Variants in SLC22A12 observed in about 807,000 individuals in gnomAD.
SLC22A12 encodes the protein solute carrier family 22 member 12, also known as organic anion transporter 4-like protein.
SLC22A12 carries 56 observed loss-of-function variants against 52.7 expected under a neutral mutation model. The ratio of observed to expected loss-of-function variants is 1.06; its 90% CI spans 0.86 to 1.33. The LOEUF is 1.33. SLC22A12 is among the 40% of genes most tolerant of loss of function. The pLI, the probability that SLC22A12 is intolerant of heterozygous loss-of-function variation, is 0.00. For synonymous variants in SLC22A12, 337 were observed against 324.6 expected (o/e 1.04, Z -0.41); for missense variants, 683 against 741.5 (o/e 0.92, Z 0.92).
At position 64,600,761 on chromosome 11, in the gene SLC22A12, T is replaced by C. The variant is rs1258840181; in HGVS notation, c.1421T>C (p.Met474Thr). Residue 474 changes from methionine (M) to threonine (T), a missense_variant, in exon 9 of 10, where the codon ATG becomes ACG. Physicochemically the swap from Met to Thr is moderately conservative, Grantham distance 81. Coordinates refer to ENST00000377574, the MANE Select transcript of SLC22A12 (RefSeq NM_144585.4). ...LRMTAVGLGQMAARGGAILGP... is the reference protein window; with the variant it reads ...LRMTAVGLGQTAARGGAILGP... ...ATGACGGCAGTGGGCTTGGGCCAGA[T>C]GGCAGCCCGTGGAGGAGCCATCCTG... 3 of 1,605,226 alleles carry C rather than the reference T, an allele frequency of 1.9e-6. No individual in the cohort carries two copies. The highest frequency in any genetic ancestry group is 1.7e-6 in the Non-Finnish European group (2 of 1,179,912).
At chr11:64,593,906 G>A (rs925061190) in intron 4 of SLC22A12, 103 bp downstream of exon 4, 5 of 1,493,282 alleles carry the variant, frequency 3.3e-6, no homozygotes, top group Non-Finnish European at 4.5e-6. Context: ...GAGTGCTAGA[G>A]GCCAGGGGTG....
At chr11:64,596,139 G>GTTT in intron 4 of SLC22A12, among the ~76,000 whole-genome samples, 1 of 151,910 alleles carries the variant, frequency 6.6e-6, no homozygotes, top group Non-Finnish European at 1.5e-5. Flanking sequence ...TGGATGGATG[G>GTTT]GATGGATGGA....
chr11:64,598,995 C>G, intron 6 of SLC22A12, 72 bp downstream of exon 6: 1 of 1,567,118 alleles, frequency 6.4e-7, no homozygotes, highest in Non-Finnish European at 8.6e-7. Context: ...CACACGGCCC[C>G]GGCCTCTGCT....
At chr11:64,593,586 G>T in intron 3 of SLC22A12, 27 bp downstream of exon 3, 1 of 1,614,064 alleles carries the variant, frequency 6.2e-7, no homozygotes, top group South Asian at 1.1e-5. Flanking sequence ...GCGCCATGCA[G>T]GGGGGCTCCA....
At position 64,600,831 on chromosome 11, in the gene SLC22A12, C is replaced by G. The variant is rs139224371; in HGVS notation, c.1491C>G (p.Pro497=). Residue 497 remains proline, a synonymous_variant, in exon 9 of 10, where the codon CCC becomes CCG. Coordinates refer to ENST00000377574, the MANE Select transcript of SLC22A12 (RefSeq NM_144585.4). ...TGGGTGTCCATGGCCCCTGGCTGCC[C>G]TTGCTGGTGTATGGGACGGTGCCAG... ...RLLGVHGPWL[P]LLVYGTVPVL... The G allele has an allele frequency of 6.2e-7, 1 of 1,607,768 alleles. No individual in the cohort carries two copies. Among genetic ancestry groups the G allele is most frequent in the Non-Finnish European group, 8.5e-7 (1 of 1,179,972 alleles).
chr11:64,600,205 G>T (rs1591403573), intron 7 of SLC22A12, among the ~76,000 whole-genome samples, 162 bp from the exon 8 acceptor site: 1 of 152,232 alleles, frequency 6.6e-6, no homozygotes, highest in East Asian at 1.9e-4. Context: ...CAGATTGTGG[G>T]TGTGGCCATG....
chr11:64,595,801 T>C (rs1450181823), intron 4 of SLC22A12, among the ~76,000 whole-genome samples: 2 of 124,678 alleles, frequency 1.6e-5, no homozygotes, highest in African/African-American at 6.3e-5. Context: ...GATGGATAGA[T>C]GATTGGAATA....
chr11:64,599,759 T>C lies in SLC22A12; in HGVS notation c.1154T>C (p.Ile385Thr), dbSNP rs149438001. 89 of 1,612,446 alleles carry C rather than the reference T, an allele frequency of 5.5e-5. No individual in the cohort carries two copies. Among genetic ancestry groups the C allele is most frequent in the Middle Eastern group, 1.7e-4 (1 of 6,058 alleles). The change falls in exon 7 of 10, where the codon ATT (isoleucine) becomes ACT (threonine). Residue 385 changes from isoleucine to threonine, a missense_variant. Coordinates refer to ENST00000377574, the MANE Select transcript of SLC22A12 (RefSeq NM_144585.4). ...AACATCTTCCTGCTCCAAATGTTCA[T>C]TGGTGTCGTGGACATCCCAGCCAAG... ...GSNIFLLQMF[I>T]GVVDIPAKMG...
intron 6 of SLC22A12, 44 bp from the exon 7 acceptor site, chr11:64,599,632 C>CT (rs1303001450): frequency 2.1e-5 from 5 of 236,442 alleles, no homozygotes; most frequent in South Asian, 1.7e-4. Context: ...ACCACCCCCC[C>CT]CCACCCCCCA....
intron 4 of SLC22A12, among the ~76,000 whole-genome samples, chr11:64,594,727 GGACA>G (rs1164963540): frequency 2.0e-4 from 29 of 143,592 alleles, no homozygotes; most frequent in African/African-American, 7.0e-4. Context: ...ATGGATGGAC[GGACA>G]GACGGACGGA....
chr11:64,593,649 G>A lies in SLC22A12; in HGVS notation c.676G>A (p.Ala226Thr), dbSNP rs1276722500. The A allele has an allele frequency of 1.9e-6, 3 of 1,614,186 alleles. No homozygotes were observed. The highest frequency in any genetic ancestry group is 1.7e-5 in the Admixed American group (1 of 60,038). Reference sequence around the variant, plus strand: ...TCTCCTTGCAGTGATGGAGTGGACGGCGGCACGGGCCCGACCCTTGGTGAT... The same window carrying A: ...TCTCCTTGCAGTGATGGAGTGGACGACGGCACGGGCCCGACCCTTGGTGAT... The part of the protein sequence containing the change: ...NTGTLLMEWT[A>T]ARARPLVMTL... Residue 226 changes from alanine (A) to threonine (T), a missense_variant, in exon 4 of 10, where the codon GCG becomes ACG. By Grantham distance (58) the Ala-to-Thr change is moderately conservative (BLOSUM62 0). Coordinates refer to ENST00000377574, the MANE Select transcript of SLC22A12 (RefSeq NM_144585.4).
chr11:64,602,308 G>A lies in SLC22A12; in HGVS notation c.*757G>A, dbSNP rs1372425490. 2.6e-5 allele frequency: 4 copies of A among 153,898 alleles called. No individual in the cohort carries two copies. Among genetic ancestry groups the A allele is most frequent in the African/African-American group, 7.2e-5 (3 of 41,472 alleles). The allele number at this position is 153,898 out of a possible 1,614,324, so 9.5% of individuals were successfully genotyped here. A position where few individuals can be genotyped will look rare whatever the true frequency, so the allele number is the denominator to read the frequency against. Reference sequence around the variant, plus strand: ...CCCCACACAGCGCTGGGCCAGAGAGGCATTGGTGCGAGGGATTGAATAAAG... The same window carrying A: ...CCCCACACAGCGCTGGGCCAGAGAGACATTGGTGCGAGGGATTGAATAAAG... On this transcript the variant is annotated 3_prime_UTR_variant, in exon 10 of 10. Coordinates refer to ENST00000377574, the MANE Select transcript of SLC22A12 (RefSeq NM_144585.4).
chr11:64,591,240 A>C lies in SLC22A12; in HGVS notation c.-317A>C. On this transcript the variant is annotated 5_prime_UTR_variant, in exon 1 of 10. Transcript: ENST00000377574. ...ATTCCAGTCTAAAATTAAAGTCTTC[A>C]GTCTCCACATTCCCTACTTTCCAAA... 1 of 402,502 alleles carries C rather than the reference A, an allele frequency of 2.5e-6. No individual in the cohort carries two copies. Among genetic ancestry groups the C allele is most frequent in the Admixed American group, 4.0e-5 (1 of 24,726 alleles). 24.9% of individuals were successfully genotyped at this position (402,502 alleles called of 1,614,324 possible). A position where few individuals can be genotyped will look rare whatever the true frequency, so the allele number is the denominator to read the frequency against.
chr11:64,600,532 C>A (rs2039421409), intron 8 of SLC22A12, 57 bp downstream of exon 8: 1 of 1,467,832 alleles, frequency 6.8e-7, no homozygotes, highest in Admixed American at 2.0e-5. Context: ...TGCGGGGCAC[C>A]CCCAGGCAGG....
At chr11:64,591,991 C>T (rs775446604) in intron 1 of SLC22A12, 33 bp downstream of exon 1, 2 of 1,603,872 alleles carry the variant, frequency 1.2e-6, no homozygotes, top group South Asian at 2.2e-5. Flanking sequence ...TCGAGTCCCA[C>T]CACCTTGGAG....
intron 9 of SLC22A12, 146 bp from the exon 10 acceptor site, chr11:64,601,342 C>A: frequency 1.2e-6 from 1 of 805,672 alleles, no homozygotes; most frequent in Non-Finnish European, 2.1e-6. Flanking sequence ...CACACACACC[C>A]CCAACCCATC....
In SLC22A12 at chr11:64,592,824, TC is replaced by T. The variant is rs756570697; in HGVS notation, c.450del (p.Ile151SerfsTer26). The part of the protein sequence containing the change: ...DSHALKPMAQ[S>X]IYLAGILVGA... ...TCATGCTCTGAAGCCCATGGCCCAG[TC>T]CATCTACCTGGCTGGGATTCTGGTG... On this transcript the variant is annotated frameshift_variant, in exon 2 of 10. Coordinates refer to ENST00000377574, the MANE Select transcript of SLC22A12 (RefSeq NM_144585.4). LOFTEE classifies it high-confidence loss of function. 2.5e-6 allele frequency: 4 copies of T among 1,613,796 alleles called. No homozygotes were observed. Among genetic ancestry groups the T allele is most frequent in the Non-Finnish European group, 8.5e-7 (1 of 1,179,982 alleles).
At chr11:64,596,327 G>GTTGA (rs1284024197) in intron 4 of SLC22A12, among the ~76,000 whole-genome samples, 11 of 140,038 alleles carry the variant, frequency 7.9e-5, no homozygotes, top group Non-Finnish European at 3.1e-5. Context: ...TGAATGGATG[G>GTTGA]ATGGATGGAT....
In SLC22A12 at chr11:64,601,845, G is replaced by A. The variant is rs891363691; in HGVS notation, c.*294G>A. 5 of 421,474 alleles carry A rather than the reference G, an allele frequency of 1.2e-5. No individual in the cohort carries two copies. Among genetic ancestry groups the A allele is most frequent in the South Asian group, 1.0e-4 (5 of 47,836 alleles). The allele number at this position is 421,474 out of a possible 1,614,324, so 26.1% of individuals were successfully genotyped here. The stretch of plus-strand genomic sequence containing the variant: ...GAGAGCAGAGGGGTCAGGCCCAGGG[G>A]AACGAGCTGGCCTTGCCAACCCTCT... On this transcript the variant is annotated 3_prime_UTR_variant, in exon 10 of 10. Coordinates refer to ENST00000377574, the MANE Select transcript of SLC22A12 (RefSeq NM_144585.4).
Sources: allele counts gnomAD v4.1 joint callset (sites outside exome capture counted in the v4.1 genomes callset), GRCh38; gene constraint gnomAD v4.1.1; transcripts MANE v1.5; gene names NCBI Gene and HGNC (gene_info 2026-07-23, HGNC 2026-07-21).